NT5DC1: variants seen among roughly 807,000 people sequenced by gnomAD.
NT5DC1 encodes 5'-nucleotidase domain-containing protein 1.
NT5DC1 carries 42 observed loss-of-function variants against 59.4 expected under a neutral mutation model. The observed-to-expected ratio is 0.71, with a 90% CI of 0.55 to 0.92. NT5DC1 has a LOEUF of 0.92. Among genes scored for constraint, NT5DC1 ranks in the 40% least tolerant of loss-of-function variants. The pLI is 0.00. For missense variants in NT5DC1, 501 were observed against 537.1 expected, an observed-to-expected ratio of 0.93 and a Z score of 0.66; for synonymous variants, 172 against 188.1, an observed-to-expected ratio of 0.91 and a Z score of 0.70.
rs1771862745 is a variant in NT5DC1 at position 116,247,065 on chromosome 6, A to T, written c.*3041A>T. On this transcript the variant is annotated 3_prime_UTR_variant, in exon 12 of 12. Transcript: ENST00000319550. ...CTTGCTCTGTGTTACACTGTTAGTA[A>T]GAGAGCAATACATGAACCCAAGTTT... 1 of 152,176 alleles carries T rather than the reference A, an allele frequency of 6.6e-6. No individual in the cohort carries two copies. 9.4% of individuals were successfully genotyped at this position (152,176 alleles called of 1,614,324 possible).
chr6:116,197,476 C>T (rs920332327), intron 6 of NT5DC1, among the ~76,000 whole-genome samples: 14 of 152,030 alleles, frequency 9.2e-5, no homozygotes, highest in Admixed American at 8.5e-4. Flanking sequence ...TCTTGACCTT[C>T]ACCACCTTTT....
At chr6:116,127,730 TATATATGGTG>T (rs1377158304) in intron 6 of NT5DC1, among the ~76,000 whole-genome samples, 1 of 152,150 alleles carries the variant, frequency 6.6e-6, no homozygotes, top group Non-Finnish European at 1.5e-5. Context: ...ATTTTGTGTG[TATATATGGTG>T]ATACACATGC....
At chr6:116,224,011 A>G (rs1781860213) in intron 8 of NT5DC1, among the ~76,000 whole-genome samples, 1 of 152,200 alleles carries the variant, frequency 6.6e-6, no homozygotes, top group East Asian at 1.9e-4. Flanking sequence ...CAAAATATAT[A>G]TAAGTGTCCA....
At chr6:116,239,667 A>G (rs900968684) in intron 11 of NT5DC1, among the ~76,000 whole-genome samples, 2 of 152,236 alleles carry the variant, frequency 1.3e-5, no homozygotes, top group Non-Finnish European at 2.9e-5. Context: ...CTAAATACCT[A>G]AAATTGGATT....
chr6:116,199,984 G>C (rs1424903230), intron 6 of NT5DC1, among the ~76,000 whole-genome samples: 1 of 120,924 alleles, frequency 8.3e-6, no homozygotes, highest in Non-Finnish European at 1.7e-5. Flanking sequence ...CTTACAAAGA[G>C]TACAGTATGG....
At chr6:116,223,972 A>G (rs995302313) in intron 8 of NT5DC1, among the ~76,000 whole-genome samples, 1 of 152,200 alleles carries the variant, frequency 6.6e-6, no homozygotes, top group Admixed American at 6.5e-5. Flanking sequence ...AAACAGAATG[A>G]TAAAATTAAC....
At position 116,121,121 on chromosome 6, in the gene NT5DC1, C is replaced by A. The variant is rs1301597846; in HGVS notation, c.529+3176C>A. 5 of 1,613,614 alleles carry A rather than the reference C, an allele frequency of 3.1e-6. 1 individual carries two copies. In the South Asian group the frequency reaches 5.5e-5, roughly 18 times the overall value. Reference sequence around the variant, plus strand: ...AGGGGGTCCAGTCAGACCTGGCTTCCCAGGAAGACCTGCTGGCCCTTGTTC... The same window carrying A: ...AGGGGGTCCAGTCAGACCTGGCTTCACAGGAAGACCTGCTGGCCCTTGTTC... On this transcript the variant is annotated intron_variant, in intron 6 of 11. Coordinates refer to ENST00000319550, the MANE Select transcript of NT5DC1 (RefSeq NM_152729.3).
At chr6:116,232,967 G>C (rs1211133020) in intron 8 of NT5DC1, among the ~76,000 whole-genome samples, 1 of 152,022 alleles carries the variant, frequency 6.6e-6, no homozygotes, top group Non-Finnish European at 1.5e-5. Context: ...CATTAGGTCA[G>C]TTTTTTGGTA....
chr6:116,103,063 CATG>C (rs1778695018), intron 1 of NT5DC1, among the ~76,000 whole-genome samples: 1 of 152,180 alleles, frequency 6.6e-6, no homozygotes, highest in Admixed American at 6.5e-5. Context: ...GCACATGCTG[CATG>C]ATATTAACAC....
At chr6:116,187,607 G>C (rs1054755395) in intron 6 of NT5DC1, among the ~76,000 whole-genome samples, 1 of 152,082 alleles carries the variant, frequency 6.6e-6, no homozygotes, top group African/African-American at 2.4e-5. Flanking sequence ...GTACAGCAGA[G>C]CAGTGGGGAA....
rs575192465 is a variant in NT5DC1, at chr6:116,209,114, C to CT, written c.530-11939dup. ...TCTAGTAATAGTGCATTATATATAACTAATTGTATTTTTATTACGTTACTG... is the reference window on the plus strand; with the variant it reads ...TCTAGTAATAGTGCATTATATATAACTTAATTGTATTTTTATTACGTTACTG... On this transcript the variant is annotated intron_variant, in intron 6 of 11. Coordinates refer to ENST00000319550, the MANE Select transcript of NT5DC1 (RefSeq NM_152729.3). Among the ~76,000 whole-genome samples the CT allele has an allele frequency of 6.5e-4, 99 of 152,016 alleles. 1 individual carries two copies. In the South Asian group the frequency reaches 0.019, roughly 29 times the overall value.
At chr6:116,162,431 G>A (rs1780356975) in intron 6 of NT5DC1, among the ~76,000 whole-genome samples, 1 of 152,014 alleles carries the variant, frequency 6.6e-6, no homozygotes, top group South Asian at 2.1e-4. Flanking sequence ...ATGGTTCTTA[G>A]TATTTTCAGT....
chr6:116,144,090 T>C (rs966459449), intron 6 of NT5DC1, among the ~76,000 whole-genome samples: 1 of 152,196 alleles, frequency 6.6e-6, no homozygotes, highest in Non-Finnish European at 1.5e-5. Context: ...TCAGAGTTCA[T>C]GTATTGGTGG....
chr6:116,118,242 C>T, intron 6 of NT5DC1: 1 of 402,356 alleles, frequency 2.5e-6, no homozygotes, highest in Non-Finnish European at 4.6e-6. Context: ...TTTTTCATGG[C>T]CTGGGCATAA....
In NT5DC1 at chr6:116,238,266, TG is replaced by T; in HGVS notation, c.1003del (p.Glu335LysfsTer20). The T allele has an allele frequency of 1.2e-6, 2 of 1,612,832 alleles. No individual in the cohort carries two copies. The highest frequency in any genetic ancestry group is 1.7e-4 in the Middle Eastern group (1 of 6,030). Reference sequence around the variant, plus strand: ...AGTAATTGGGAGACAGTCCTCATCCTGGAAGAACTCAGAGGGGATGAAGGCA... The same window carrying T: ...AGTAATTGGGAGACAGTCCTCATCCTGAAGAACTCAGAGGGGATGAAGGCA... Reference protein sequence around the residue: ...HYSNWETVLILEELRGDEGTR... With the variant: ...HYSNWETVLIXEELRGDEGTR... On this transcript the variant is annotated frameshift_variant, in exon 10 of 12. Transcript: ENST00000319550. LOFTEE classifies it high-confidence loss of function.
At chr6:116,174,913 C>A (rs1245831778) in intron 6 of NT5DC1, among the ~76,000 whole-genome samples, 2 of 152,122 alleles carry the variant, frequency 1.3e-5, no homozygotes, top group Non-Finnish European at 2.9e-5. Flanking sequence ...ATTAAAGATA[C>A]ATCTAAAAAG....
intron 6 of NT5DC1, chr6:116,121,480 T>G: frequency 6.2e-7 from 1 of 1,614,052 alleles, no homozygotes; most frequent in South Asian, 1.1e-5. Context: ...GGCCAGATGG[T>G]CCTGTGGGAC....
At chr6:116,147,172 G>A (rs1012195058) in intron 6 of NT5DC1, among the ~76,000 whole-genome samples, 4 of 151,786 alleles carry the variant, frequency 2.6e-5, no homozygotes, top group African/African-American at 9.7e-5. Context: ...CAGGCATGGT[G>A]GCTCACACCT....
intron 6 of NT5DC1, among the ~76,000 whole-genome samples, chr6:116,139,649 G>A (rs1004324773): frequency 2.6e-5 from 4 of 152,002 alleles, no homozygotes; most frequent in Admixed American, 2.6e-4. Context: ...GGCACTTTAC[G>A]ATCTAGTTTT....
Sources: allele counts gnomAD v4.1 joint callset (sites outside exome capture counted in the v4.1 genomes callset), GRCh38; gene constraint gnomAD v4.1.1; transcripts MANE v1.5; gene names NCBI Gene and HGNC (gene_info 2026-07-23, HGNC 2026-07-21).